The following IQCK variants were observed in gnomAD, a reference collection of about 807,000 sequenced individuals.
IQCK encodes the protein IQ domain-containing protein K.
In IQCK, 29 loss-of-function variants were observed where a neutral mutation model predicts 28.1. The observed-to-expected ratio is 1.03, with a 90% CI of 0.77 to 1.41. IQCK has a LOEUF of 1.41. Among genes scored for constraint, IQCK ranks in the 40% most tolerant of loss-of-function variants. The probability of loss-of-function intolerance (pLI) is 0.00; values close to 1 mark genes in which losing one functional copy is unlikely to be tolerated. For missense variants in IQCK, 359 were observed against 314.7 expected (o/e 1.14, Z -1.07); for synonymous variants, 113 against 115.1 (o/e 0.98, Z 0.12).
At chr16:19,764,551 C>T (rs1448725305) in intron 6 of IQCK, among the ~76,000 whole-genome samples, 2 of 152,102 alleles carry the variant, frequency 1.3e-5, no homozygotes, top group Admixed American at 6.6e-5. Context: ...TTTGACCATT[C>T]TAATATGGGT....
intron 6 of IQCK, among the ~76,000 whole-genome samples, chr16:19,777,778 C>G (rs548192170): frequency 6.6e-6 from 1 of 152,140 alleles, no homozygotes; most frequent in Admixed American, 6.6e-5. Context: ...GGGCCGGGCA[C>G]GGTGGCTCAC....
rs576247018 is a variant in IQCK, at chr16:19,721,869, C to T, written c.181+3382C>T. ...CTGGGATTACAGGCGTGAGCCACCG[C>T]GCCTGGCCTTACAGTTTCCTATTTT... On this transcript the variant is annotated intron_variant, in intron 1 of 7. Coordinates refer to ENST00000564186, the Ensembl canonical transcript of IQCK. Among the ~76,000 whole-genome samples, 8 of 152,236 alleles carry T rather than the reference C, an allele frequency of 5.3e-5. No homozygotes were observed. In the East Asian group the frequency reaches 9.7e-4, roughly 18 times the overall value.
rs1279684839 is a variant in IQCK, at chr16:19,718,554, G to A, written c.181+67G>A. ...GCCGGACGGGGGCCGCGTTTGGGGA[G>A]CGCCCACTGTGCGCCTGTCGGCTGA... On this transcript the variant is annotated intron_variant, in intron 1 of 7. Coordinates refer to ENST00000564186, the Ensembl canonical transcript of IQCK. 12 of 1,403,736 alleles carry A rather than the reference G, an allele frequency of 8.5e-6. No individual in the cohort carries two copies. The Admixed American group carries it at 3.2e-4, about 37-fold the overall frequency. 87.0% of individuals were successfully genotyped at this position (1,403,736 alleles called of 1,614,324 possible).
At chr16:19,720,954 A>G (rs1210972549) in intron 1 of IQCK, among the ~76,000 whole-genome samples, 2 of 151,854 alleles carry the variant, frequency 1.3e-5, no homozygotes, top group Non-Finnish European at 2.9e-5. Context: ...GGAGGTTGCA[A>G]TGACCTGAGA....
intron 1 of IQCK, among the ~76,000 whole-genome samples, chr16:19,725,332 G>A (rs941484287): frequency 1.3e-5 from 2 of 152,150 alleles, no homozygotes; most frequent in African/African-American, 4.8e-5. Flanking sequence ...AAGTAGCTGG[G>A]ATTACAGGCG....
intron 9 of IQCK, among the ~76,000 whole-genome samples, chr16:19,839,906 G>A (rs1278662634): frequency 1.3e-5 from 2 of 151,954 alleles, no homozygotes; most frequent in Admixed American, 6.6e-5. Context: ...GAAGCAGGAG[G>A]ACCTCTTAAA....
chr16:19,732,178 G>C (rs1977861531), intron 2 of IQCK, among the ~76,000 whole-genome samples: 1 of 152,214 alleles, frequency 6.6e-6, no homozygotes, highest in Non-Finnish European at 1.5e-5. Context: ...ATATACACCA[G>C]TCTCTTCCAG....
intron 6 of IQCK, among the ~76,000 whole-genome samples, chr16:19,777,304 G>A (rs938710277): frequency 6.6e-6 from 1 of 152,138 alleles, no homozygotes; most frequent in Non-Finnish European, 1.5e-5. Flanking sequence ...TTGAGGACAA[G>A]CTCCAGTCGC....
intron 7 of IQCK, among the ~76,000 whole-genome samples, chr16:19,821,300 A>G (rs1332920624): frequency 6.6e-6 from 1 of 152,242 alleles, no homozygotes; most frequent in Non-Finnish European, 1.5e-5. Context: ...GTGAGAATAC[A>G]AGATGATTCA....
At chr16:19,718,288 T>TACCGTGGAA in exon 1 of IQCK, 1 of 1,594,120 alleles carries the variant, frequency 6.3e-7, no homozygotes, top group Non-Finnish European at 8.5e-7. Flanking sequence ...CGAACGCGGT[T>TACCGTGGAA]ACCGTGGAAA....
chr16:19,849,309 A>G (rs28408917), intron 9 of IQCK, among the ~76,000 whole-genome samples: 2,578 of 149,712 alleles, frequency 0.017, 59 homozygotes, highest in African/African-American at 0.06. Flanking sequence ...AACTTAGTTG[A>G]GCAATAGATG....
chr16:19,818,274 G>T (rs1179018788), intron 7 of IQCK, among the ~76,000 whole-genome samples: 1 of 152,110 alleles, frequency 6.6e-6, no homozygotes, highest in Non-Finnish European at 1.5e-5. Flanking sequence ...AAAGATCTGG[G>T]GGCTTATCCC....
chr16:19,809,663 G>T (rs1183856555), intron 7 of IQCK, among the ~76,000 whole-genome samples: 1 of 152,222 alleles, frequency 6.6e-6, no homozygotes, highest in East Asian at 1.9e-4. Flanking sequence ...TCAATGAGAA[G>T]CACGACAATG....
intron 1 of IQCK, among the ~76,000 whole-genome samples, chr16:19,730,100 C>T (rs1023303950): frequency 6.6e-6 from 1 of 152,014 alleles, no homozygotes; most frequent in Non-Finnish European, 1.5e-5. Context: ...TGATTACAGG[C>T]ACCAGCCACC....
chr16:19,785,526 TC>T (rs1427319583), intron 6 of IQCK, among the ~76,000 whole-genome samples: 1 of 152,204 alleles, frequency 6.6e-6, no homozygotes, highest in African/African-American at 2.4e-5. Context: ...CAGAGGCTAC[TC>T]CCTTTTCAAA....
At chr16:19,812,877 G>A (rs2055927160) in intron 7 of IQCK, among the ~76,000 whole-genome samples, 1 of 152,234 alleles carries the variant, frequency 6.6e-6, no homozygotes. Flanking sequence ...AAACTTAAGT[G>A]CATCCTCTAG....
chr16:19,749,623 G>C (rs1354360876), intron 4 of IQCK, among the ~76,000 whole-genome samples: 1 of 152,000 alleles, frequency 6.6e-6, no homozygotes, highest in African/African-American at 2.4e-5. Flanking sequence ...ACAATTTGCT[G>C]GGCACCATGG....
At chr16:19,820,425 G>A (rs2056055582) in intron 7 of IQCK, among the ~76,000 whole-genome samples, 2 of 152,106 alleles carry the variant, frequency 1.3e-5, no homozygotes, top group Non-Finnish European at 1.5e-5. Context: ...CGAGGCGGGT[G>A]GATCATGAGG....
At chr16:19,837,327 G>A (rs2141106249) in intron 9 of IQCK, among the ~76,000 whole-genome samples, 1 of 152,216 alleles carries the variant, frequency 6.6e-6, no homozygotes, top group Non-Finnish European at 1.5e-5. Context: ...CTTGGTCTTG[G>A]GAGGTCGAGG....
Sources: allele counts gnomAD v4.1 joint callset (sites outside exome capture counted in the v4.1 genomes callset), GRCh38; gene constraint gnomAD v4.1.1; transcripts MANE v1.5; gene names NCBI Gene and HGNC (gene_info 2026-07-23, HGNC 2026-07-21).